TXNRD3: variants seen among roughly 807,000 people sequenced by gnomAD.
TXNRD3 encodes TXNRD3 neighbor gene protein.
TXNRD3 carries 68 observed loss-of-function variants against 78.2 expected under a neutral mutation model. The ratio of observed to expected loss-of-function variants is 0.87; its 90% CI spans 0.72 to 1.06. The LOEUF (loss-of-function observed/expected upper bound fraction) is 1.06, where lower values mean the gene tolerates loss of function less well. Ranked by LOEUF, TXNRD3 falls within the 50% of genes least tolerant of loss-of-function variation. TXNRD3 has a pLI of 0.00. For missense variants in TXNRD3, 751 were observed against 809.5 expected (o/e 0.93, Z 0.88); for synonymous variants, 296 against 300.1 (o/e 0.99, Z 0.14).
intron 6 of TXNRD3, among the ~76,000 whole-genome samples, chr3:126,639,899 A>G (rs1282859103): frequency 2.0e-5 from 3 of 151,906 alleles, no homozygotes; most frequent in Non-Finnish European, 4.4e-5. Context: ...CAACCAGAAG[A>G]AGGATTCTTG....
intron 8 of TXNRD3, 114 bp downstream of exon 8, chr3:126,631,650 A>G: frequency 1.4e-6 from 1 of 706,572 alleles, no homozygotes; most frequent in Non-Finnish European, 2.3e-6. Context: ...CATTGTATAT[A>G]TTTTCATTTG....
At chr3:126,611,764 A>G (rs1436081554) in intron 13 of TXNRD3, among the ~76,000 whole-genome samples, 1 of 152,204 alleles carries the variant, frequency 6.6e-6, no homozygotes, top group Non-Finnish European at 1.5e-5. Flanking sequence ...GAATCACTCC[A>G]TACACAAACA....
intron 6 of TXNRD3, among the ~76,000 whole-genome samples, chr3:126,638,352 G>T (rs1193444458): frequency 1.3e-5 from 2 of 152,138 alleles, no homozygotes; most frequent in African/African-American, 4.8e-5. Context: ...AGATTCTGAT[G>T]ACTTCTCTTG....
At chr3:126,616,585 C>A (rs1029953330) in intron 12 of TXNRD3, among the ~76,000 whole-genome samples, 1 of 152,154 alleles carries the variant, frequency 6.6e-6, no homozygotes, top group African/African-American at 2.4e-5. Context: ...TACAAACCCC[C>A]CACTGTGCTG....
chr3:126,643,899 T>C, intron 5 of TXNRD3, 82 bp downstream of exon 5: 1 of 1,311,440 alleles, frequency 7.6e-7, no homozygotes, highest in Non-Finnish European at 1.0e-6. Flanking sequence ...CTCTTGAGAT[T>C]GTTGTGAGGA....
At chr3:126,618,902 G>A (rs1489875330) in intron 12 of TXNRD3, among the ~76,000 whole-genome samples, 1 of 150,468 alleles carries the variant, frequency 6.6e-6, no homozygotes, top group African/African-American at 2.4e-5. Flanking sequence ...TTTAAAAATG[G>A]GCAAAGGATC....
intron 6 of TXNRD3, among the ~76,000 whole-genome samples, chr3:126,641,369 T>TA (rs2107624738): frequency 6.6e-6 from 1 of 152,266 alleles, no homozygotes; most frequent in Non-Finnish European, 1.5e-5. Context: ...CACATCTCCA[T>TA]AGTGTTCATC....
chr3:126,647,526 T>C (rs1381475244), intron 1 of TXNRD3, among the ~76,000 whole-genome samples: 1 of 152,190 alleles, frequency 6.6e-6, no homozygotes, highest in South Asian at 2.1e-4. Flanking sequence ...GACTTTCAAA[T>C]CTACAACTTT....
intron 8 of TXNRD3, 91 bp from the exon 9 acceptor site, chr3:126,631,028 G>A: frequency 8.1e-7 from 1 of 1,233,380 alleles, no homozygotes; most frequent in Non-Finnish European, 1.1e-6. Context: ...TGTGATGACT[G>A]AATTATAATT....
chr3:126,642,945 C>T (rs1933130336), intron 5 of TXNRD3, among the ~76,000 whole-genome samples: 1 of 152,166 alleles, frequency 6.6e-6, no homozygotes, highest in African/African-American at 2.4e-5. Flanking sequence ...GAGAAATTAT[C>T]ACAAAGGTGT....
intron 1 of TXNRD3, among the ~76,000 whole-genome samples, chr3:126,653,900 A>G (rs1933446606): frequency 6.6e-6 from 1 of 152,198 alleles, no homozygotes; most frequent in Non-Finnish European, 1.5e-5. Context: ...TCTCTGAAAC[A>G]TAACTGTTGA....
chr3:126,654,813 C>A lies in TXNRD3; in HGVS notation c.178G>T (p.Val60Leu). Residue 60 changes from valine (V) to leucine (L), a missense_variant, in exon 1 of 16, where the codon GTG (valine) becomes TTG (leucine). By Grantham distance (32) the Val-to-Leu change is conservative. Transcript: ENST00000524230. ...ACCCGGCTGCGCTCGATGAGGCCCA[C>A]GAGGTGGCGGCGCAGCTCCTCGCGG... The A allele has an allele frequency of 4.9e-6, 7 of 1,423,142 alleles. No homozygotes were observed. Among genetic ancestry groups the A allele is most frequent in the Non-Finnish European group, 6.4e-6 (7 of 1,089,478 alleles). The allele number at this position is 1,423,142 out of a possible 1,614,324, so 88.2% of individuals were successfully genotyped here.
At chr3:126,654,633 T>A in intron 1 of TXNRD3, 115 bp downstream of exon 1, 1 of 532,508 alleles carries the variant, frequency 1.9e-6, no homozygotes, top group Non-Finnish European at 2.6e-6. Context: ...ACGGCTGACC[T>A]CACCGCCGCA....
In TXNRD3 at chr3:126,638,662, A is replaced by G. The variant is rs550902646; in HGVS notation, c.712+3370T>C. ...GGCAGGAGAATCGCTTGAACACGGGAGATGGAGGAACGCAGTGAGCTGAGA... is the reference window on the plus strand; with the variant it reads ...GGCAGGAGAATCGCTTGAACACGGGGGATGGAGGAACGCAGTGAGCTGAGA... On this transcript the variant is annotated intron_variant, in intron 6 of 15. Transcript: ENST00000524230. Among the ~76,000 whole-genome samples the G allele has an allele frequency of 3.9e-5, 6 of 152,254 alleles. No homozygotes were observed. The East Asian group carries it at 7.7e-4, about 20-fold the overall frequency.
At position 126,608,618 on chromosome 3, in the gene TXNRD3, A is replaced by G; in HGVS notation, c.1744T>C (p.Phe582Leu). The G allele has an allele frequency of 1.3e-6, 2 of 1,535,676 alleles. No homozygotes were observed. Among genetic ancestry groups the G allele is most frequent in the South Asian group, 2.4e-5 (2 of 83,958 alleles). ...CCGGCGTTTGGTCCAAGAATATGAA[A>G]TCCTATCACCCGATCCTTTAATACA... The change falls in exon 15 of 16, where the codon TTT (phenylalanine) becomes CTT (leucine). Residue 582 changes from phenylalanine (F) to leucine (L), a missense_variant. By Grantham distance (22) the Phe-to-Leu change is conservative (BLOSUM62 0). Coordinates refer to ENST00000524230, the MANE Select transcript of TXNRD3 (RefSeq NM_052883.3).
At chr3:126,614,295 A>G (rs942218356) in intron 13 of TXNRD3, among the ~76,000 whole-genome samples, 1 of 152,218 alleles carries the variant, frequency 6.6e-6, no homozygotes, top group Non-Finnish European at 1.5e-5. Context: ...ACCTTGGTGG[A>G]AAGACCTTAA....
intron 6 of TXNRD3, among the ~76,000 whole-genome samples, chr3:126,639,415 C>T (rs1286793926): frequency 3.3e-5 from 5 of 152,106 alleles, no homozygotes; most frequent in Non-Finnish European, 7.3e-5. Flanking sequence ...GCTTTTCATT[C>T]TCCCCAGTCC....
rs1294793066 is a variant in TXNRD3, at chr3:126,655,062, C to T, written c.-72G>A. 2 of 1,292,016 alleles carry T rather than the reference C, an allele frequency of 1.5e-6. No individual in the cohort carries two copies. The highest frequency in any genetic ancestry group is 2.0e-6 in the Non-Finnish European group (2 of 1,021,366). 80.0% of individuals were successfully genotyped at this position (1,292,016 alleles called of 1,614,324 possible). A position where few individuals can be genotyped will look rare whatever the true frequency, so the allele number is the denominator to read the frequency against. ...AACGCAGGCGGCTGCGGCGCCGGGA[C>T]GGGGCCTGAGGGGCGGCGAACGCTG... On this transcript the variant is annotated 5_prime_UTR_variant, in exon 1 of 16. Transcript: ENST00000524230.
intron 1 of TXNRD3, among the ~76,000 whole-genome samples, chr3:126,648,977 G>A (rs1184026149): frequency 2.0e-5 from 3 of 152,088 alleles, no homozygotes; most frequent in Non-Finnish European, 4.4e-5. Flanking sequence ...GAATAGCCAC[G>A]GCACTCCAGC....
Sources: allele counts gnomAD v4.1 joint callset (sites outside exome capture counted in the v4.1 genomes callset), GRCh38; gene constraint gnomAD v4.1.1; transcripts MANE v1.5; gene names NCBI Gene and HGNC (gene_info 2026-07-23, HGNC 2026-07-21).